The following MYO10 variants were observed in gnomAD, a reference collection of about 807,000 sequenced individuals.
The protein encoded by MYO10 is myosin X, also known as unconventional myosin-X.
MYO10 carries 133 observed loss-of-function variants against 257.3 expected under a neutral mutation model. The ratio of observed to expected loss-of-function variants is 0.52; its 90% confidence interval spans 0.45 to 0.60. MYO10 has a LOEUF of 0.60. MYO10 is among the 20% of genes least tolerant of loss of function. MYO10 has a pLI of 0.00. For missense variants in MYO10, 2,399 were observed against 2,635.7 expected (o/e 0.91, Z 1.97); for synonymous variants, 1,104 against 1,028.6 (o/e 1.07, Z -1.40).
chr5:16,667,919 C>A (rs1448320654), intron 40 of MYO10, among the ~76,000 whole-genome samples: 2 of 152,182 alleles, frequency 1.3e-5, no homozygotes, highest in Non-Finnish European at 2.9e-5. Flanking sequence ...CCGAGTCTCA[C>A]AGCTGTGACA....
chr5:16,826,506 T>C (rs1743005100), intron 2 of MYO10, among the ~76,000 whole-genome samples: 1 of 151,734 alleles, frequency 6.6e-6, no homozygotes, highest in Non-Finnish European at 1.5e-5. Flanking sequence ...AAAGCAAGAG[T>C]CTCAGGGAGT....
chr5:16,903,496 C>CTA (rs1745442056), intron 1 of MYO10, among the ~76,000 whole-genome samples: 1 of 152,192 alleles, frequency 6.6e-6, no homozygotes, highest in Admixed American at 6.5e-5. Context: ...GGTCCCAGAG[C>CTA]TAACAGGTGG....
At chr5:16,667,449 C>G (rs1314885738) in intron 40 of MYO10, among the ~76,000 whole-genome samples, 1 of 152,136 alleles carries the variant, frequency 6.6e-6, no homozygotes, top group Non-Finnish European at 1.5e-5. Flanking sequence ...CCAGTCCCAC[C>G]CCAGAGATCA....
chr5:16,823,467 G>GGTTTTTTTTT lies in MYO10; in HGVS notation c.121-5301_121-5300insAAAAAAAAAC, dbSNP rs1561003861. ...CTTGCGCGGGGGGGGGGGGAGTGGG[G>GGTTTTTTTTT]ATTTTTTTTTTTTTTTTTTTGTGAG... is the stretch of plus-strand genomic sequence containing the variant. On this transcript the variant is annotated intron_variant, in intron 2 of 40. Coordinates refer to ENST00000513610, the MANE Select transcript of MYO10 (RefSeq NM_012334.3). Among the ~76,000 whole-genome samples the GGTTTTTTTTT allele has an allele frequency of 7.5e-3, 30 of 3,986 alleles. 4 individuals carry two copies. The highest frequency in any genetic ancestry group is 0.013 in the Non-Finnish European group (23 of 1,738). 2.6% of individuals were successfully genotyped at this position (3,986 alleles called of 152,430 possible). A position where few individuals can be genotyped will look rare whatever the true frequency, so the allele number is the denominator to read the frequency against.
intron 1 of MYO10, among the ~76,000 whole-genome samples, chr5:16,890,657 C>T (rs1360166663): frequency 1.3e-5 from 2 of 151,060 alleles, no homozygotes; most frequent in African/African-American, 2.5e-5. Context: ...CTGGCCAACA[C>T]GGAGAAACCC....
intron 2 of MYO10, among the ~76,000 whole-genome samples, chr5:16,824,638 G>A (rs1023726351): frequency 3.3e-5 from 5 of 152,178 alleles, no homozygotes; most frequent in Middle Eastern, 3.2e-3. Context: ...GGAGGTCAAG[G>A]CAGGCGAATC....
At chr5:16,917,056 T>C (rs1004739217) in intron 1 of MYO10, among the ~76,000 whole-genome samples, 23 of 152,180 alleles carry the variant, frequency 1.5e-4, no homozygotes, top group African/African-American at 4.8e-4. Context: ...GAAATAAAAA[T>C]GGCTTAATAT....
At chr5:16,911,515 T>C (rs549635287) in intron 1 of MYO10, among the ~76,000 whole-genome samples, 10 of 152,194 alleles carry the variant, frequency 6.6e-5, no homozygotes, top group African/African-American at 1.2e-4. Flanking sequence ...GGGGATCCCT[T>C]GAGCTCAGGA....
At chr5:16,760,295 C>CA (rs749694848) in intron 17 of MYO10, among the ~76,000 whole-genome samples, 39,571 of 107,162 alleles carry the variant, frequency 0.37, 6,162 homozygotes, top group Middle Eastern at 0.47. Flanking sequence ...ACTAAAGATA[C>CA]AAAAAAAAAA....
At chr5:16,867,455 C>T (rs1337962626) in intron 2 of MYO10, among the ~76,000 whole-genome samples, 2 of 151,904 alleles carry the variant, frequency 1.3e-5, no homozygotes, top group African/African-American at 2.4e-5. Context: ...GACATAAAAA[C>T]GACACCAATA....
chr5:16,852,216 T>C (rs1307094787), intron 2 of MYO10, among the ~76,000 whole-genome samples: 2 of 142,618 alleles, frequency 1.4e-5, no homozygotes, highest in Non-Finnish European at 3.0e-5. Flanking sequence ...AAGGACAATA[T>C]ACAATTGAGA....
intron 4 of MYO10, among the ~76,000 whole-genome samples, chr5:16,791,237 C>T (rs1741747445): frequency 1.3e-5 from 2 of 152,120 alleles, no homozygotes; most frequent in Admixed American, 6.6e-5. Context: ...GCAGATCATG[C>T]CCAAGGAAAT....
At chr5:16,673,174 C>A (rs1237478365) in intron 36 of MYO10, among the ~76,000 whole-genome samples, 1 of 148,626 alleles carries the variant, frequency 6.7e-6, no homozygotes, top group Non-Finnish European at 1.5e-5. Flanking sequence ...CAAGGAACAA[C>A]AGAGACTCCA....
At chr5:16,812,666 C>T (rs183254328) in intron 3 of MYO10, among the ~76,000 whole-genome samples, 96 of 152,270 alleles carry the variant, frequency 6.3e-4, no homozygotes, top group Non-Finnish European at 1.1e-3. Context: ...AAGTTCGAGG[C>T]AGGAACTTTC....
chr5:16,807,646 T>C (rs1272183322), intron 3 of MYO10, among the ~76,000 whole-genome samples: 1 of 152,132 alleles, frequency 6.6e-6, no homozygotes, highest in African/African-American at 2.4e-5. Flanking sequence ...TAGAATGTCC[T>C]GCGTTGGATA....
chr5:16,796,442 C>CAA (rs1741966820), intron 3 of MYO10, among the ~76,000 whole-genome samples: 8 of 120,816 alleles, frequency 6.6e-5, no homozygotes, highest in African/African-American at 2.7e-4. Flanking sequence ...AAAAGAAAGA[C>CAA]AGAAAGAAAG....
chr5:16,854,834 C>T (rs559007012), intron 2 of MYO10, among the ~76,000 whole-genome samples: 3 of 152,172 alleles, frequency 2.0e-5, no homozygotes, highest in Admixed American at 1.3e-4. Flanking sequence ...GAGTTCGAGA[C>T]CAGCCTGGCT....
intron 19 of MYO10, among the ~76,000 whole-genome samples, chr5:16,737,110 T>C (rs892003770): frequency 6.6e-6 from 1 of 152,166 alleles, no homozygotes; most frequent in Non-Finnish European, 1.5e-5. Context: ...AATCACTAAA[T>C]AGGGTCTAAA....
intron 1 of MYO10, among the ~76,000 whole-genome samples, chr5:16,913,907 CAGG>C (rs1028217580): frequency 2.0e-5 from 3 of 152,186 alleles, no homozygotes; most frequent in Non-Finnish European, 1.5e-5. Context: ...CAAGAGGCAC[CAGG>C]AGGAGGAATG....
Sources: allele counts gnomAD v4.1 joint callset (sites outside exome capture counted in the v4.1 genomes callset), GRCh38; gene constraint gnomAD v4.1.1; transcripts MANE v1.5; gene names NCBI Gene and HGNC (gene_info 2026-07-23, HGNC 2026-07-21).